SYNE3: variants seen among roughly 807,000 people sequenced by gnomAD.
SYNE3 encodes spectrin repeat containing nuclear envelope family member 3.
SYNE3 carries 100 observed loss-of-function variants against 111.2 expected under a neutral mutation model. The ratio of observed to expected loss-of-function variants is 0.90; its 90% CI spans 0.77 to 1.06. SYNE3 has a LOEUF of 1.06. SYNE3 is among the 50% of genes least tolerant of loss of function. SYNE3 has a pLI of 0.00. For synonymous variants in SYNE3, 547 were observed against 533.9 expected, an observed-to-expected ratio of 1.02 and a Z score of -0.34; for missense variants, 1,160 against 1,240.3, an observed-to-expected ratio of 0.94 and a Z score of 0.97.
chr14:95,484,879 C>T lies in SYNE3; in HGVS notation c.-14-9044G>A, dbSNP rs191602546. Among the ~76,000 whole-genome samples, 27 of 152,312 alleles carry T rather than the reference C, an allele frequency of 1.8e-4. No homozygotes were observed. The East Asian group carries it at 5.0e-3, about 28-fold the overall frequency. ...AACAAAACCAAAATCCTTTGAGGAA[C>T]GGTGGATTCGCTCAGTGATTCTCAC... On this transcript the variant is annotated intron_variant, in intron 1 of 17. Transcript: ENST00000682763.
chr14:95,484,746 C>A (rs1376708714), intron 1 of SYNE3, among the ~76,000 whole-genome samples: 1 of 152,170 alleles, frequency 6.6e-6, no homozygotes, highest in South Asian at 2.1e-4. Flanking sequence ...TATCACAGTG[C>A]CTCTCATGGA....
At chr14:95,436,473 C>T (rs1022808667) in intron 15 of SYNE3, among the ~76,000 whole-genome samples, 9 of 152,178 alleles carry the variant, frequency 5.9e-5, no homozygotes, top group African/African-American at 2.2e-4. Context: ...TTGAGTTCAG[C>T]CTAACCTGCC....
At chr14:95,512,841 G>A (rs919519261) in intron 1 of SYNE3, among the ~76,000 whole-genome samples, 1 of 152,096 alleles carries the variant, frequency 6.6e-6, no homozygotes, top group Non-Finnish European at 1.5e-5. Flanking sequence ...CTGGGTGACA[G>A]AGCAAGACTC....
chr14:95,478,366 G>T lies in SYNE3; in HGVS notation c.-14-2531C>A, dbSNP rs143119804. ...GTGGTATCAGGGACAGTTGAACAGG[G>T]AGTCTGTGAGGGACCTCTGAGGTTG... is the stretch of plus-strand genomic sequence containing the variant. On this transcript the variant is annotated intron_variant, in intron 1 of 17. Coordinates refer to ENST00000682763, the MANE Select transcript of SYNE3 (RefSeq NM_152592.6). 2.6e-5 allele frequency among the ~76,000 whole-genome samples: 4 copies of T among 152,310 alleles called. No homozygotes were observed. In the East Asian group the frequency reaches 7.7e-4, roughly 29 times the overall value.
intron 2 of SYNE3, among the ~76,000 whole-genome samples, chr14:95,474,787 C>A (rs1888776106): frequency 6.6e-6 from 1 of 152,210 alleles, no homozygotes; most frequent in South Asian, 2.1e-4. Flanking sequence ...CACAAGGAAC[C>A]AGCTGTGGGG....
chr14:95,443,289 C>T lies in SYNE3; in HGVS notation c.1777G>A (p.Gly593Arg). The T allele has an allele frequency of 6.2e-7, 1 of 1,614,186 alleles. No homozygotes were observed. Among genetic ancestry groups the T allele is most frequent in the South Asian group, 1.1e-5 (1 of 91,086 alleles). Residue 593 changes from glycine (G) to arginine (R), a missense_variant and splice_region_variant, in exon 11 of 18, where the codon GGG becomes AGG. By Grantham distance (125) the Gly-to-Arg change is moderately radical (BLOSUM62 -2). Transcript: ENST00000682763. ...GKQAQLSRLQ[G>R]LQEEGLDLGA... is the part of the protein sequence containing the mutation. Reference sequence around the variant, plus strand: ...AAGTCCAGCCCCTCTTCCTGCAGCCCCTGCAGTAGAGAAGGGAACAGGTAG... The same window carrying T: ...AAGTCCAGCCCCTCTTCCTGCAGCCTCTGCAGTAGAGAAGGGAACAGGTAG...
At chr14:95,440,845 T>A (rs1050356190) in intron 11 of SYNE3, among the ~76,000 whole-genome samples, 3 of 152,214 alleles carry the variant, frequency 2.0e-5, no homozygotes, top group Non-Finnish European at 2.9e-5. Flanking sequence ...TGTGTTTTAG[T>A]TGGGTGCTGG....
At chr14:95,510,174 T>C (rs563231693) in intron 1 of SYNE3, among the ~76,000 whole-genome samples, 1 of 152,324 alleles carries the variant, frequency 6.6e-6, no homozygotes, top group African/African-American at 2.4e-5. Flanking sequence ...TTCTCTCTTA[T>C]TAGGTCCTTA....
In SYNE3 at chr14:95,436,354, A is replaced by G; in HGVS notation, c.2538+466T>C. ...CCAAGCTGTGCCACAGGAGTATACG[A>G]GATGTGTAGTCCATGTCATTCTCAT... On this transcript the variant is annotated intron_variant, in intron 15 of 17. Transcript: ENST00000682763. Among the ~76,000 whole-genome samples, 2 of 152,158 alleles carry G rather than the reference A, an allele frequency of 1.3e-5. 1 individual carries two copies. Among genetic ancestry groups the G allele is most frequent in the Non-Finnish European group, 2.9e-5 (2 of 68,034 alleles).
intron 1 of SYNE3, among the ~76,000 whole-genome samples, chr14:95,481,196 A>AC (rs1889230215): frequency 6.6e-6 from 1 of 152,188 alleles, no homozygotes; most frequent in Non-Finnish European, 1.5e-5. Flanking sequence ...TGACATTTAA[A>AC]CCTTGTTCTA....
intron 1 of SYNE3, among the ~76,000 whole-genome samples, chr14:95,482,159 C>G (rs974774001): frequency 1.3e-5 from 2 of 152,186 alleles, no homozygotes; most frequent in Non-Finnish European, 2.9e-5. Context: ...TGGGGCCAGG[C>G]GTGGTGACTC....
chr14:95,479,519 G>T (rs539980807), intron 1 of SYNE3, among the ~76,000 whole-genome samples: 4 of 152,250 alleles, frequency 2.6e-5, no homozygotes, highest in Non-Finnish European at 5.9e-5. Flanking sequence ...CCAGCTCAAG[G>T]TTGGGGGAGC....
chr14:95,409,218 G>A lies in SYNE3; in HGVS notation c.*8608C>T, dbSNP rs1903369332. The A allele has an allele frequency of 2.2e-6, 1 of 456,592 alleles. No individual in the cohort carries two copies. The highest frequency in any genetic ancestry group is 1.5e-5 in the South Asian group (1 of 64,570). The allele number at this position is 456,592 out of a possible 1,614,324, so 28.3% of individuals were successfully genotyped here. ...TCCCAAATTTACCACTCCCCGCCTA[G>A]CTGGCTGCTCTGAGGCAGGCTGCTG... On this transcript the variant is annotated 3_prime_UTR_variant, in exon 18 of 18. Coordinates refer to ENST00000682763, the MANE Select transcript of SYNE3 (RefSeq NM_152592.6).
Position 95,423,977 on chromosome 14 carries a change from G to C in SYNE3, c.2728-5951C>G, listed in dbSNP as rs112528252. ...TTGATGGGGATGGGGATTTGATGGGGATGGGGATTTGATGGGCATGGGAGG... is the reference window on the plus strand; with the variant it reads ...TTGATGGGGATGGGGATTTGATGGGCATGGGGATTTGATGGGCATGGGAGG... On this transcript the variant is annotated intron_variant, in intron 17 of 17. Transcript: ENST00000682763. Among the ~76,000 whole-genome samples, 2 of 120,588 alleles carry C rather than the reference G, an allele frequency of 1.7e-5. 1 individual carries two copies. Among genetic ancestry groups the C allele is most frequent in the South Asian group, 4.9e-4 (2 of 4,048 alleles). 79.1% of individuals were successfully genotyped at this position (120,588 alleles called of 152,430 possible).
chr14:95,453,336 C>T (rs989080176), intron 6 of SYNE3, among the ~76,000 whole-genome samples: 1 of 152,170 alleles, frequency 6.6e-6, no homozygotes, highest in Non-Finnish European at 1.5e-5. Flanking sequence ...ACCGATCCTC[C>T]ATTCACAGGG....
At chr14:95,493,624 A>T (rs1889948621) in intron 1 of SYNE3, among the ~76,000 whole-genome samples, 1 of 152,270 alleles carries the variant, frequency 6.6e-6, no homozygotes, top group Non-Finnish European at 1.5e-5. Context: ...AGAGATGCTG[A>T]ATGCAGCCCC....
rs879666950 is a variant in SYNE3, at chr14:95,440,040, C to T, written c.1947G>A (p.Glu649=). The change falls in exon 12 of 18, where the codon GAG becomes GAA. Residue 649 remains glutamate, a synonymous_variant. Transcript: ENST00000682763. ...GCAGCTGGTGGCTGAAGGTGCAGTGCTCCTGCACACTCTGCCGACACCTGT... is the reference window on the plus strand; with the variant it reads ...GCAGCTGGTGGCTGAAGGTGCAGTGTTCCTGCACACTCTGCCGACACCTGT... ...LVDRCRQSVQ[E]HCTFSHQLLE... is the part of the protein sequence containing the mutation. 1.2e-6 allele frequency: 2 copies of T among 1,608,802 alleles called. No homozygotes were observed. Among genetic ancestry groups the T allele is most frequent in the Non-Finnish European group, 1.7e-6 (2 of 1,179,882 alleles).
intron 4 of SYNE3, among the ~76,000 whole-genome samples, chr14:95,459,770 G>A (rs2139451778): frequency 6.6e-6 from 1 of 152,276 alleles, no homozygotes; most frequent in Non-Finnish European, 1.5e-5. Flanking sequence ...GGGAAGCCCA[G>A]GCTTAGGACC....
rs746755589 is a variant in SYNE3, at chr14:95,437,020, G to A, written c.2377-39C>T. 11 of 1,612,694 alleles carry A rather than the reference G, an allele frequency of 6.8e-6. No homozygotes were observed. The East Asian group carries it at 2.2e-4, about 33-fold the overall frequency. Reference sequence around the variant, plus strand: ...CACGGCCAAAGCGTCAGAGGTGAAAGAGCCCCCCTGGCCATGTGTCCTGGG... The same window carrying A: ...CACGGCCAAAGCGTCAGAGGTGAAAAAGCCCCCCTGGCCATGTGTCCTGGG... On this transcript the variant is annotated intron_variant, in intron 14 of 17. Coordinates refer to ENST00000682763, the MANE Select transcript of SYNE3 (RefSeq NM_152592.6).
Sources: allele counts gnomAD v4.1 joint callset (sites outside exome capture counted in the v4.1 genomes callset), GRCh38; gene constraint gnomAD v4.1.1; transcripts MANE v1.5; gene names NCBI Gene and HGNC (gene_info 2026-07-23, HGNC 2026-07-21).